MYRIP: variants seen among roughly 807,000 people sequenced by gnomAD.
MYRIP encodes the protein rab effector MyRIP.
Under a neutral mutation model 98.0 loss-of-function variants are expected in MYRIP, and 49 were observed. The observed-to-expected ratio is 0.50, with a 90% confidence interval of 0.40 to 0.63. MYRIP has a LOEUF of 0.63. Ranked by LOEUF, MYRIP falls within the 30% of genes least tolerant of loss-of-function variation. The probability of loss-of-function intolerance (pLI) is 0.00; values close to 1 mark genes in which losing one functional copy is unlikely to be tolerated. For synonymous variants in MYRIP, 404 were observed against 409.5 expected, an observed-to-expected ratio of 0.99 and a Z score of 0.16; for missense variants, 1,004 against 1,058.2, an observed-to-expected ratio of 0.95 and a Z score of 0.71.
At chr3:40,158,207 G>A (rs1477142929) in intron 4 of MYRIP, among the ~76,000 whole-genome samples, 3 of 152,066 alleles carry the variant, frequency 2.0e-5, no homozygotes, top group Non-Finnish European at 4.4e-5. Flanking sequence ...CTCTGTTCTC[G>A]TTGGTTTCAA....
chr3:39,904,683 C>A lies in MYRIP; in HGVS notation c.110+3757C>A, dbSNP rs79783903. ...CTTACAGCCCTCATTCTTTACAGGA[C>A]TCCTACTATCCCCCACTGTCTGCTA... On this transcript the variant is annotated intron_variant, in intron 2 of 16. Transcript: ENST00000302541. Among the ~76,000 whole-genome samples the A allele has an allele frequency of 5.3e-3, 811 of 152,274 alleles. 7 individuals carry two copies. Among genetic ancestry groups the A allele is most frequent in the African/African-American group, 0.019 (786 of 41,546 alleles).
At chr3:40,202,323 C>G (rs939977778) in intron 10 of MYRIP, among the ~76,000 whole-genome samples, 2 of 152,168 alleles carry the variant, frequency 1.3e-5, no homozygotes, top group African/African-American at 4.8e-5. Context: ...TGAAAGATAG[C>G]CTCTATGAAA....
chr3:40,210,936 T>C (rs1951909967), intron 11 of MYRIP, among the ~76,000 whole-genome samples: 2 of 152,216 alleles, frequency 1.3e-5, no homozygotes, highest in Non-Finnish European at 2.9e-5. Context: ...AGAATATCCC[T>C]GCCAGCCTCC....
chr3:39,987,769 T>C (rs1946068106), intron 2 of MYRIP, among the ~76,000 whole-genome samples: 1 of 152,216 alleles, frequency 6.6e-6, no homozygotes, highest in Non-Finnish European at 1.5e-5. Context: ...CCTTTGCTTA[T>C]GAAGCTTAGT....
chr3:40,129,289 A>G (rs1575560456), intron 3 of MYRIP, among the ~76,000 whole-genome samples: 1 of 151,444 alleles, frequency 6.6e-6, no homozygotes, highest in Non-Finnish European at 1.5e-5. Context: ...AATACAAAAA[A>G]AATTAGCCAG....
chr3:40,058,460 A>G (rs775401318), intron 3 of MYRIP, among the ~76,000 whole-genome samples: 1 of 152,204 alleles, frequency 6.6e-6, no homozygotes, highest in Non-Finnish European at 1.5e-5. Flanking sequence ...AAAAGTTTTA[A>G]TCATCAAGCT....
At chr3:40,159,838 A>T (rs920102652) in intron 4 of MYRIP, among the ~76,000 whole-genome samples, 1 of 152,038 alleles carries the variant, frequency 6.6e-6, no homozygotes, top group Non-Finnish European at 1.5e-5. Context: ...CTTGGTTTTC[A>T]GCTCCACCAG....
At chr3:39,951,904 G>C (rs1945025716) in intron 2 of MYRIP, among the ~76,000 whole-genome samples, 1 of 151,948 alleles carries the variant, frequency 6.6e-6, no homozygotes, top group Non-Finnish European at 1.5e-5. Context: ...GCTTTATGAT[G>C]GTATAATGTA....
intron 3 of MYRIP, among the ~76,000 whole-genome samples, chr3:40,088,050 A>T (rs1001088878): frequency 6.6e-6 from 1 of 152,096 alleles, no homozygotes; most frequent in Non-Finnish European, 1.5e-5. Flanking sequence ...GTGCAGAAAA[A>T]GGTGGGCAGC....
rs199860359 is a variant in MYRIP at position 40,190,336 on chromosome 3, C to T, written c.1538C>T (p.Pro513Leu). ...ASRETSDSSE[P>L]EEAPHTTDRR... ...AGGGAGACCTCGGACAGCAGCGAGC[C>T]GGAGGAGGCCCCCCACACCACAGAC... Residue 513 changes from proline to leucine, a missense_variant, in exon 10 of 17, where the codon CCG becomes CTG. Physicochemically the swap from Pro to Leu is moderately conservative, Grantham distance 98. This residue lies in a region of MYRIP where 880 missense variants were observed against 907.7 expected (regional missense o/e 0.97). Transcript: ENST00000302541. 9 of 1,613,834 alleles carry T rather than the reference C, an allele frequency of 5.6e-6. No homozygotes were observed. The highest frequency in any genetic ancestry group is 2.2e-5 in the East Asian group (1 of 44,830).
chr3:39,855,017 G>T (rs1392885226), intron 1 of MYRIP, among the ~76,000 whole-genome samples: 1 of 152,220 alleles, frequency 6.6e-6, no homozygotes, highest in African/African-American at 2.4e-5. Flanking sequence ...CCCAGCCATG[G>T]ATACCAGCAT....
intron 2 of MYRIP, among the ~76,000 whole-genome samples, chr3:39,948,995 G>A (rs1393696045): frequency 6.6e-6 from 1 of 152,116 alleles, no homozygotes; most frequent in East Asian, 1.9e-4. Context: ...GTGCTGACAG[G>A]TATTTTAGTG....
chr3:40,163,512 G>A (rs1003844395), intron 5 of MYRIP, among the ~76,000 whole-genome samples: 3 of 152,248 alleles, frequency 2.0e-5, no homozygotes, highest in Admixed American at 6.5e-5. Context: ...GCCCTCATCA[G>A]TATGAGTAGG....
intron 11 of MYRIP, among the ~76,000 whole-genome samples, chr3:40,226,945 A>T (rs1379299126): frequency 6.6e-6 from 1 of 152,182 alleles, no homozygotes; most frequent in African/African-American, 2.4e-5. Context: ...CCTGGGCTGC[A>T]GTGCCATTGA....
At chr3:40,199,812 CAAAAAT>C (rs2125644377) in intron 10 of MYRIP, among the ~76,000 whole-genome samples, 1 of 152,098 alleles carries the variant, frequency 6.6e-6, no homozygotes, top group South Asian at 2.1e-4. Flanking sequence ...GTATCTCCCA[CAAAAAT>C]AAAAATAAAG....
At chr3:39,813,294 T>C (rs767240782) in intron 1 of MYRIP, among the ~76,000 whole-genome samples, 60 of 152,150 alleles carry the variant, frequency 3.9e-4, no homozygotes, top group Non-Finnish European at 2.2e-4. Context: ...GGATGTTGTA[T>C]CCAGATATGG....
At chr3:39,955,923 G>C (rs985514146) in intron 2 of MYRIP, among the ~76,000 whole-genome samples, 5 of 152,102 alleles carry the variant, frequency 3.3e-5, no homozygotes, top group Non-Finnish European at 7.3e-5. Flanking sequence ...GATCAAAAGA[G>C]ACAAACAAGG....
chr3:40,057,597 T>C (rs1246085044), intron 3 of MYRIP, among the ~76,000 whole-genome samples: 1 of 152,134 alleles, frequency 6.6e-6, no homozygotes, highest in Non-Finnish European at 1.5e-5. Flanking sequence ...ACCACCCCTG[T>C]CCCAGAACTC....
rs566251008 is a variant in MYRIP at position 40,019,590 on chromosome 3, G to A, written c.111-24460G>A. Among the ~76,000 whole-genome samples the A allele has an allele frequency of 5.9e-5, 9 of 152,240 alleles. No individual in the cohort carries two copies. In the South Asian group the frequency reaches 1.5e-3, roughly 25 times the overall value. The stretch of plus-strand genomic sequence containing the variant: ...TGTCTACTCCCTTAGGCTGTGAACT[G>A]TGATTTATTTTATGTCCCCAGCACC... On this transcript the variant is annotated intron_variant, in intron 2 of 16. Transcript: ENST00000302541.
Sources: gnomAD v4.1 joint callset for allele counts (sites outside exome capture counted in the v4.1 genomes callset) on GRCh38, gnomAD v4.1.1 for gene constraint, gnomAD v4.1.1 regional missense constraint, MANE v1.5 for transcripts, NCBI Gene and HGNC (gene_info 2026-07-23, HGNC 2026-07-21) for gene names.